Variants in PSD3 observed in about 807,000 individuals in gnomAD.
PSD3 encodes the protein pleckstrin and Sec7 domain containing 3.
In PSD3, 49 loss-of-function variants were observed where a neutral mutation model predicts 105.5. That is an observed-to-expected ratio of 0.46 (90% CI 0.37 to 0.59). The LOEUF is 0.59. Ranked by LOEUF, PSD3 falls within the 20% of genes least tolerant of loss-of-function variation. PSD3 has a pLI of 0.00. For synonymous variants in PSD3, 557 were observed against 457.8 expected, an observed-to-expected ratio of 1.22 and a Z score of -2.77; for missense variants, 1,561 against 1,263.8, an observed-to-expected ratio of 1.24 and a Z score of -3.57.
At chr8:18,811,103 G>A (rs1811643610) in intron 4 of PSD3, among the ~76,000 whole-genome samples, 1 of 152,146 alleles carries the variant, frequency 6.6e-6, no homozygotes. Context: ...CACCCACCAT[G>A]GTACCATAAA....
At position 18,572,509 on chromosome 8, in the gene PSD3, G is replaced by C. The variant is rs1481203622; in HGVS notation, c.2784+19C>G. The C allele has an allele frequency of 1.2e-6, 2 of 1,610,562 alleles. No homozygotes were observed. Among genetic ancestry groups the C allele is most frequent in the Non-Finnish European group, 1.7e-6 (2 of 1,177,824 alleles). The stretch of plus-strand genomic sequence containing the variant: ...CAAAGTACTTTTTCCCAAGGTCAAA[G>C]CACTATCAAGATGATTACCTGAGAC... On this transcript the variant is annotated intron_variant, in intron 14 of 15. Coordinates refer to ENST00000327040, the MANE Select transcript of PSD3 (RefSeq NM_015310.4).
At chr8:19,046,528 T>C (rs773360638) in intron 1 of PSD3, among the ~76,000 whole-genome samples, 6 of 152,180 alleles carry the variant, frequency 3.9e-5, no homozygotes, top group Non-Finnish European at 7.3e-5. Flanking sequence ...TGCATCTGGC[T>C]GAGGTCAGGC....
At chr8:18,610,923 T>C (rs1328823960) in intron 11 of PSD3, among the ~76,000 whole-genome samples, 1 of 152,128 alleles carries the variant, frequency 6.6e-6, no homozygotes, top group African/African-American at 2.4e-5. Context: ...AATCTAAACA[T>C]CTCTGGTTAA....
At chr8:18,658,006 A>G (rs1809028800) in intron 9 of PSD3, among the ~76,000 whole-genome samples, 1 of 152,230 alleles carries the variant, frequency 6.6e-6, no homozygotes, top group Admixed American at 6.5e-5. Flanking sequence ...AAAGAGAAGT[A>G]GAATTGTAAA....
intron 11 of PSD3, among the ~76,000 whole-genome samples, chr8:18,619,205 C>T (rs757724374): frequency 5.3e-5 from 8 of 152,128 alleles, no homozygotes; most frequent in Admixed American, 1.3e-4. Context: ...ATGCCTGCCA[C>T]GATGGGATGG....
At chr8:18,998,145 T>A (rs1826179414) in intron 1 of PSD3, among the ~76,000 whole-genome samples, 1 of 151,992 alleles carries the variant, frequency 6.6e-6, no homozygotes, top group South Asian at 2.1e-4. Flanking sequence ...GAACTGCATA[T>A]GACCTATTAC....
At chr8:18,959,706 G>T (rs956835022) in intron 1 of PSD3, among the ~76,000 whole-genome samples, 3 of 152,080 alleles carry the variant, frequency 2.0e-5, no homozygotes, top group African/African-American at 7.2e-5. Flanking sequence ...AAAGATCAGT[G>T]ACAAGAATTA....
intron 15 of PSD3, among the ~76,000 whole-genome samples, chr8:18,553,915 T>C (rs577906761): frequency 6.6e-6 from 1 of 152,160 alleles, no homozygotes; most frequent in South Asian, 2.1e-4. Flanking sequence ...TATTAGCATA[T>C]GGGTCTGATT....
At chr8:18,593,737 G>A (rs1201832114) in intron 12 of PSD3, among the ~76,000 whole-genome samples, 2 of 152,094 alleles carry the variant, frequency 1.3e-5, no homozygotes, top group African/African-American at 2.4e-5. Flanking sequence ...ATGTCCATCA[G>A]TGATAGACTG....
At chr8:19,068,589 C>T in intron 1 of PSD3, among the ~76,000 whole-genome samples, 1 of 152,208 alleles carries the variant, frequency 6.6e-6, no homozygotes, top group South Asian at 2.1e-4. Context: ...TTATGCTCAT[C>T]TTCCTCTTCC....
At chr8:18,618,046 T>C (rs183614621) in intron 11 of PSD3, among the ~76,000 whole-genome samples, 1 of 152,322 alleles carries the variant, frequency 6.6e-6, no homozygotes, top group East Asian at 1.9e-4. Flanking sequence ...CCCTCTGAAG[T>C]CTATTATTTA....
At chr8:18,792,482 T>G (rs1311632724) in intron 8 of PSD3, among the ~76,000 whole-genome samples, 2 of 152,192 alleles carry the variant, frequency 1.3e-5, no homozygotes, top group Non-Finnish European at 2.9e-5. Context: ...AATTACCATG[T>G]GTGCTCACTT....
At chr8:18,638,133 C>T (rs12546123) in intron 10 of PSD3, among the ~76,000 whole-genome samples, 47,885 of 142,088 alleles carry the variant, frequency 0.34, 8,051 homozygotes, top group Middle Eastern at 0.5. Flanking sequence ...CCAGCCTGGG[C>T]GACAGAGCGA....
intron 1 of PSD3, among the ~76,000 whole-genome samples, chr8:19,002,416 A>C (rs1365748046): frequency 6.6e-6 from 1 of 151,972 alleles, no homozygotes; most frequent in African/African-American, 2.4e-5. Flanking sequence ...TTTCACCTTG[A>C]TGAGGTATAC....
chr8:18,542,192 T>G (rs376942947), intron 15 of PSD3, among the ~76,000 whole-genome samples: 9 of 152,312 alleles, frequency 5.9e-5, no homozygotes, highest in African/African-American at 2.2e-4. Context: ...CTCATTACAA[T>G]TCATTACAAC....
chr8:18,633,638 T>C lies in PSD3; in HGVS notation c.2217-832A>G, dbSNP rs149931794. The stretch of plus-strand genomic sequence containing the variant: ...AGTATTCCACGGTGTGTATGTACCA[T>C]ATTTTCTCTATCCAGTTCACCATTG... On this transcript the variant is annotated intron_variant, in intron 10 of 15. Transcript: ENST00000327040. Among the ~76,000 whole-genome samples the C allele has an allele frequency of 5.0e-3, 765 of 152,202 alleles. 11 individuals carry two copies. Among genetic ancestry groups the C allele is most frequent in the African/African-American group, 0.018 (733 of 41,552 alleles).
intron 4 of PSD3, among the ~76,000 whole-genome samples, chr8:18,812,526 G>T (rs1409695186): frequency 6.6e-6 from 1 of 152,138 alleles, no homozygotes; most frequent in East Asian, 1.9e-4. Flanking sequence ...AGCTGGCTTG[G>T]GTGGCAGTAG....
At chr8:18,874,380 T>C (rs1586295417) in intron 2 of PSD3, among the ~76,000 whole-genome samples, 2 of 152,038 alleles carry the variant, frequency 1.3e-5, no homozygotes, top group South Asian at 4.1e-4. Flanking sequence ...TTGGCCAGGA[T>C]GGTCTCGATG....
At chr8:18,667,139 AG>A (rs1799518170) in intron 9 of PSD3, among the ~76,000 whole-genome samples, 1 of 152,138 alleles carries the variant, frequency 6.6e-6, no homozygotes, top group Non-Finnish European at 1.5e-5. Flanking sequence ...CTGGTGGCTC[AG>A]GCAGCCTGCT....
Sources: allele counts gnomAD v4.1 joint callset (sites outside exome capture counted in the v4.1 genomes callset), GRCh38; gene constraint gnomAD v4.1.1; transcripts MANE v1.5; gene names NCBI Gene and HGNC (gene_info 2026-07-23, HGNC 2026-07-21).